The following RAB3C variants were observed in gnomAD, a reference collection of about 807,000 sequenced individuals.
RAB3C encodes the protein RAB3C, member RAS oncogene family, also known as ras-related protein Rab-3C.
A neutral mutation model predicts 26.4 loss-of-function variants in RAB3C; 17 were observed. The ratio of observed to expected loss-of-function variants is 0.64; its 90% CI spans 0.44 to 0.97. RAB3C has a LOEUF of 0.97. Ranked by LOEUF, RAB3C falls within the 50% of genes least tolerant of loss-of-function variation. The probability of loss-of-function intolerance (pLI) is 0.00; values close to 1 mark genes in which losing one functional copy is unlikely to be tolerated. For synonymous variants in RAB3C, 91 were observed against 95.9 expected (o/e 0.95, Z 0.30); for missense variants, 242 against 281.9 (o/e 0.86, Z 1.01).
upstream of RAB3C, among the ~76,000 whole-genome samples, chr5:58,582,880 G>A (rs998858156): frequency 6.6e-6 from 1 of 152,210 alleles, no homozygotes; most frequent in African/African-American, 2.4e-5. Context: ...GGAGCGTTTG[G>A]AAAGGAGTAG....
intron 2 of RAB3C, among the ~76,000 whole-genome samples, chr5:58,679,872 T>C (rs556282656): frequency 6.6e-6 from 1 of 152,318 alleles, no homozygotes; most frequent in East Asian, 1.9e-4. Context: ...ACACATATCC[T>C]TTAGGCAATG....
At position 58,596,838 on chromosome 5, in the gene RAB3C, A is replaced by G. The variant is rs867969179; in HGVS notation, c.24+13606A>G. ...TACATAATATATTATATATAAATTT[A>G]TAATATATAATACATAATATATAAT... is the stretch of plus-strand genomic sequence containing the variant. On this transcript the variant is annotated intron_variant, in intron 1 of 4. Coordinates refer to ENST00000282878, the MANE Select transcript of RAB3C (RefSeq NM_138453.4). Among the ~76,000 whole-genome samples, 156 of 91,650 alleles carry G rather than the reference A, an allele frequency of 1.7e-3. 2 individuals carry two copies. Among genetic ancestry groups the G allele is most frequent in the South Asian group, 8.3e-3 (20 of 2,402 alleles). The allele number at this position is 91,650 out of a possible 152,430, so 60.1% of individuals were successfully genotyped here. A position where few individuals can be genotyped will look rare whatever the true frequency, so the allele number is the denominator to read the frequency against.
At chr5:58,690,874 A>G (rs1481292371) in intron 2 of RAB3C, among the ~76,000 whole-genome samples, 1 of 152,198 alleles carries the variant, frequency 6.6e-6, no homozygotes, top group Non-Finnish European at 1.5e-5. Context: ...ATATGGTGAT[A>G]TAACTAATAA....
At chr5:58,597,068 T>C (rs950338896) in intron 1 of RAB3C, among the ~76,000 whole-genome samples, 2,267 of 90,240 alleles carry the variant, frequency 0.025, 69 homozygotes, top group East Asian at 0.045. Context: ...ACATAATATA[T>C]ATTATATAAT....
At chr5:58,713,915 G>C (rs1421803601) in intron 2 of RAB3C, among the ~76,000 whole-genome samples, 1 of 151,992 alleles carries the variant, frequency 6.6e-6, no homozygotes, top group East Asian at 1.9e-4. Flanking sequence ...TAGCTTGAAG[G>C]GTTAATAACT....
intron 3 of RAB3C, among the ~76,000 whole-genome samples, chr5:58,767,017 C>CG (rs35992262): frequency 0.36 from 54,696 of 151,812 alleles, 10,893 homozygotes; most frequent in Non-Finnish European, 0.46. Context: ...ATATAGCCAG[C>CG]GGGGGGGACT....
intron 1 of RAB3C, 44 bp downstream of exon 1, chr5:58,583,276 G>A: frequency 6.2e-7 from 1 of 1,613,418 alleles, no homozygotes; most frequent in Non-Finnish European, 8.5e-7. Context: ...AATTGAAAGA[G>A]ATGCTTTTCC....
At chr5:58,817,707 A>G (rs997151364) in intron 3 of RAB3C, among the ~76,000 whole-genome samples, 2 of 152,166 alleles carry the variant, frequency 1.3e-5, no homozygotes, top group African/African-American at 4.8e-5. Context: ...TTTCTTTTTA[A>G]TACCTCTGAT....
chr5:58,841,742 C>T (rs1395871863), intron 4 of RAB3C, among the ~76,000 whole-genome samples: 1 of 152,104 alleles, frequency 6.6e-6, no homozygotes, highest in East Asian at 1.9e-4. Flanking sequence ...GAAAGTCCTT[C>T]CTAACTCCAG....
intron 2 of RAB3C, among the ~76,000 whole-genome samples, chr5:58,641,325 T>G (rs114130972): frequency 6.6e-6 from 1 of 152,290 alleles, no homozygotes; most frequent in African/African-American, 2.4e-5. Context: ...TGTGGCCCAC[T>G]TACGAAGGAG....
intron 3 of RAB3C, among the ~76,000 whole-genome samples, chr5:58,729,983 A>C (rs946459877): frequency 2.0e-5 from 3 of 149,864 alleles, no homozygotes; most frequent in South Asian, 4.2e-4. Flanking sequence ...CTAAAGTACT[A>C]AACAGAATTA....
chr5:58,609,372 G>C (rs1746644997), intron 1 of RAB3C, among the ~76,000 whole-genome samples: 1 of 152,044 alleles, frequency 6.6e-6, no homozygotes, highest in Admixed American at 6.6e-5. Flanking sequence ...TTTCCAGCAG[G>C]GGAAAGGGGG....
intron 2 of RAB3C, among the ~76,000 whole-genome samples, chr5:58,686,262 G>C (rs1748442248): frequency 6.6e-6 from 1 of 152,038 alleles, no homozygotes; most frequent in Non-Finnish European, 1.5e-5. Context: ...AAGAGTGAAA[G>C]ACAAAAGGGA....
In RAB3C at chr5:58,856,003, T is replaced by C. The variant is rs1159481612; in HGVS notation, c.*4652T>C. 1 of 152,190 alleles carries C rather than the reference T, an allele frequency of 6.6e-6. No homozygotes were observed. Among genetic ancestry groups the C allele is most frequent in the Non-Finnish European group, 1.5e-5 (1 of 68,024 alleles). The allele number at this position is 152,190 out of a possible 1,614,324, so 9.4% of individuals were successfully genotyped here. A position where few individuals can be genotyped will look rare whatever the true frequency, so the allele number is the denominator to read the frequency against. On this transcript the variant is annotated 3_prime_UTR_variant, in exon 5 of 5. Coordinates refer to ENST00000282878, the MANE Select transcript of RAB3C (RefSeq NM_138453.4). ...CCCTTTGATAGATTGAAATATTTGCTTTTAGATTACACATACAGTGCTGCC... is the reference window on the plus strand; with the variant it reads ...CCCTTTGATAGATTGAAATATTTGCCTTTAGATTACACATACAGTGCTGCC...
chr5:58,773,157 T>C (rs1742061477), intron 3 of RAB3C, among the ~76,000 whole-genome samples: 1 of 152,150 alleles, frequency 6.6e-6, no homozygotes, highest in Admixed American at 6.6e-5. Flanking sequence ...TGGCATTTTG[T>C]AAACCAGTCA....
intron 2 of RAB3C, among the ~76,000 whole-genome samples, chr5:58,671,190 T>C (rs1748110889): frequency 6.6e-6 from 1 of 152,094 alleles, no homozygotes; most frequent in Non-Finnish European, 1.5e-5. Flanking sequence ...AAGCCTGAGA[T>C]GTATCAATAC....
intron 1 of RAB3C, among the ~76,000 whole-genome samples, chr5:58,605,476 T>A (rs191201005): frequency 5.8e-4 from 88 of 152,306 alleles, no homozygotes; most frequent in African/African-American, 2.1e-3. Context: ...ACTCTTCTTA[T>A]ATCTATCAGA....
At chr5:58,643,770 G>C (rs1451974680) in intron 2 of RAB3C, among the ~76,000 whole-genome samples, 1 of 152,204 alleles carries the variant, frequency 6.6e-6, no homozygotes, top group Non-Finnish European at 1.5e-5. Flanking sequence ...GGACATCACT[G>C]ATTTTCATCT....
intron 4 of RAB3C, among the ~76,000 whole-genome samples, chr5:58,841,217 C>T (rs1355207805): frequency 6.6e-6 from 1 of 152,144 alleles, no homozygotes; most frequent in African/African-American, 2.4e-5. Flanking sequence ...AGGTCCTCTC[C>T]CATTTAGGGG....
Sources: gnomAD v4.1 joint callset for allele counts (sites outside exome capture counted in the v4.1 genomes callset) on GRCh38, gnomAD v4.1.1 for gene constraint, MANE v1.5 for transcripts, NCBI Gene and HGNC (gene_info 2026-07-23, HGNC 2026-07-21) for gene names.